MGAT4C: variants seen among roughly 807,000 people sequenced by gnomAD.
MGAT4C encodes the protein MGAT4 family member C, also known as alpha-1,3-mannosyl-glycoprotein 4-beta-N-acetylglucosaminyltransferase C.
MGAT4C carries 19 observed loss-of-function variants against 40.1 expected under a neutral mutation model. The observed-to-expected ratio is 0.47, with a 90% CI of 0.33 to 0.70. The LOEUF is 0.70. Among genes scored for constraint, MGAT4C ranks in the 30% least tolerant of loss-of-function variants. The pLI, the probability that MGAT4C is intolerant of heterozygous loss-of-function variation, is 0.02. For synonymous variants in MGAT4C, 181 were observed against 187.1 expected (o/e 0.97, Z 0.27); for missense variants, 491 against 563.2 (o/e 0.87, Z 1.30).
At chr12:86,834,811 TG>T (rs1953003658) in intron 1 of MGAT4C, among the ~76,000 whole-genome samples, 1 of 151,932 alleles carries the variant, frequency 6.6e-6, no homozygotes, top group South Asian at 2.1e-4. Flanking sequence ...GGTTTAAGAC[TG>T]GGTTGGCACT....
chr12:86,506,076 C>T (rs1483879020), intron 2 of MGAT4C, among the ~76,000 whole-genome samples: 7 of 152,070 alleles, frequency 4.6e-5, no homozygotes, highest in African/African-American at 1.7e-4. Flanking sequence ...ATCTTTAAGC[C>T]AGTGGATCAT....
intron 2 of MGAT4C, among the ~76,000 whole-genome samples, chr12:86,499,336 T>A (rs1056068772): frequency 4.0e-5 from 6 of 151,770 alleles, no homozygotes; most frequent in African/African-American, 1.4e-4. Flanking sequence ...ATATACATAC[T>A]CTATAATACA....
intron 3 of MGAT4C, among the ~76,000 whole-genome samples, chr12:86,408,489 A>G (rs751501442): frequency 9.6e-6 from 1 of 104,412 alleles, no homozygotes; most frequent in African/African-American, 3.7e-5. Context: ...CTATATATAT[A>G]TATATATATA....
chr12:86,137,177 C>G (rs1225059692), intron 1 of MGAT4C, among the ~76,000 whole-genome samples: 1 of 152,106 alleles, frequency 6.6e-6, no homozygotes. Flanking sequence ...ATTCATATTC[C>G]TTTCTTAACT....
At chr12:86,201,078 T>G (rs974478663) in intron 1 of MGAT4C, among the ~76,000 whole-genome samples, 1 of 152,216 alleles carries the variant, frequency 6.6e-6, no homozygotes, top group Non-Finnish European at 1.5e-5. Flanking sequence ...TGTGATATTT[T>G]ATTATGAAAG....
intron 2 of MGAT4C, among the ~76,000 whole-genome samples, chr12:86,484,424 G>A (rs1267625180): frequency 2.6e-5 from 4 of 152,204 alleles, no homozygotes; most frequent in African/African-American, 9.6e-5. Context: ...TCTCACAGAC[G>A]TATGTGCACA....
chr12:86,473,920 A>G (rs1233639394), intron 2 of MGAT4C, among the ~76,000 whole-genome samples: 4 of 152,198 alleles, frequency 2.6e-5, no homozygotes, highest in African/African-American at 9.6e-5. Context: ...ACTGTGCAAC[A>G]GAAAGCAGAA....
At chr12:86,152,693 T>C (rs769845288) in intron 1 of MGAT4C, among the ~76,000 whole-genome samples, 6 of 152,186 alleles carry the variant, frequency 3.9e-5, no homozygotes, top group Non-Finnish European at 7.3e-5. Flanking sequence ...TCAACAAGTA[T>C]TTAGTGATTT....
rs1285615185 is a variant in MGAT4C at position 85,979,417 on chromosome 12, T to G, written c.1309A>C (p.Asn437His). Reference sequence around the variant, plus strand: ...ACACCTGACATTTCAAAGTTTCCATTTTTGAATTCTCCTAGTCTTAAGTAA... The same window carrying G: ...ACACCTGACATTTCAAAGTTTCCATGTTTGAATTCTCCTAGTCTTAAGTAA... ...STYLRLGEFK[N>H]GNFEMSGVNQ... is the part of the protein sequence containing the mutation. The change falls in exon 5 of 5, where the codon AAT becomes CAT. Residue 437 changes from asparagine (N) to histidine (H), a missense_variant. Coordinates refer to ENST00000611864, the MANE Select transcript of MGAT4C (RefSeq NM_001351288.2). 1.2e-6 allele frequency: 2 copies of G among 1,613,384 alleles called. No homozygotes were observed. The highest frequency in any genetic ancestry group is 4.5e-5 in the East Asian group (2 of 44,846).
chr12:86,219,308 T>C (rs1231809806), intron 1 of MGAT4C, among the ~76,000 whole-genome samples: 1 of 152,204 alleles, frequency 6.6e-6, no homozygotes, highest in East Asian at 1.9e-4. Context: ...CTCTGCATTA[T>C]ATGATGCATC....
At chr12:86,172,060 C>T (rs1408314427) in intron 1 of MGAT4C, among the ~76,000 whole-genome samples, 4 of 152,114 alleles carry the variant, frequency 2.6e-5, no homozygotes, top group Non-Finnish European at 4.4e-5. Context: ...TGAACCTTTC[C>T]TCAATATCTC....
intron 2 of MGAT4C, among the ~76,000 whole-genome samples, chr12:86,027,595 A>G (rs1890355201): frequency 6.6e-6 from 1 of 151,958 alleles, no homozygotes; most frequent in East Asian, 1.9e-4. Flanking sequence ...AATTATAACT[A>G]TTTTATCTGA....
At chr12:86,074,311 T>A (rs1323812759) in intron 1 of MGAT4C, among the ~76,000 whole-genome samples, 1 of 150,806 alleles carries the variant, frequency 6.6e-6, no homozygotes, top group East Asian at 2.0e-4. Flanking sequence ...GACCTTGTAA[T>A]CATGTGAGTT....
chr12:86,765,296 C>T (rs1951484789), intron 1 of MGAT4C, among the ~76,000 whole-genome samples: 2 of 151,848 alleles, frequency 1.3e-5, no homozygotes, highest in Admixed American at 1.3e-4. Context: ...TGAAATGAAG[C>T]AAGAAGGGAA....
Position 86,149,028 on chromosome 12 carries a change from G to A in MGAT4C, c.-56-99305C>T, listed in dbSNP as rs143995326. Among the ~76,000 whole-genome samples, 327 of 152,248 alleles carry A rather than the reference G, an allele frequency of 2.1e-3. 2 individuals carry two copies. Among genetic ancestry groups the A allele is most frequent in the African/African-American group, 7.4e-3 (306 of 41,556 alleles). On this transcript the variant is annotated intron_variant, in intron 1 of 4. Transcript: ENST00000611864. ...ATCAGTGGGAGGGTCTACAAAACAT[G>A]ACATTTTAAGTTCTTATTTCTGGTG... is the stretch of plus-strand genomic sequence containing the variant.
intron 2 of MGAT4C, among the ~76,000 whole-genome samples, chr12:86,720,090 T>C (rs990959904): frequency 1.3e-5 from 2 of 152,146 alleles, no homozygotes; most frequent in African/African-American, 4.8e-5. Context: ...GACTGAGAAA[T>C]ATTGTGGTGG....
At chr12:86,180,676 C>T (rs1004593564) in intron 1 of MGAT4C, among the ~76,000 whole-genome samples, 6 of 152,042 alleles carry the variant, frequency 3.9e-5, no homozygotes, top group African/African-American at 1.4e-4. Context: ...TAGCATGGGC[C>T]CTCTTACCCC....
At chr12:86,517,012 G>A (rs969674477) in intron 2 of MGAT4C, among the ~76,000 whole-genome samples, 7 of 152,160 alleles carry the variant, frequency 4.6e-5, no homozygotes, top group African/African-American at 1.4e-4. Flanking sequence ...TCACACCTAC[G>A]AGGATAACTA....
At chr12:86,243,392 C>G (rs1373143394) in intron 1 of MGAT4C, among the ~76,000 whole-genome samples, 2 of 152,104 alleles carry the variant, frequency 1.3e-5, no homozygotes, top group Non-Finnish European at 2.9e-5. Context: ...CTGAGGTGAC[C>G]CTCAATGATT....
Sources: allele counts gnomAD v4.1 joint callset (sites outside exome capture counted in the v4.1 genomes callset), GRCh38; gene constraint gnomAD v4.1.1; transcripts MANE v1.5; gene names NCBI Gene and HGNC (gene_info 2026-07-23, HGNC 2026-07-21).